PTPRT: variants seen among roughly 807,000 people sequenced by gnomAD.
PTPRT encodes the protein receptor-type tyrosine-protein phosphatase T.
A neutral mutation model predicts 176.8 loss-of-function variants in PTPRT; 56 were observed. The ratio of observed to expected loss-of-function variants is 0.32; its 90% CI spans 0.26 to 0.40. The LOEUF is 0.40. Ranked by LOEUF, PTPRT falls within the 10% of genes least tolerant of loss-of-function variation. The pLI is 1.00. For missense variants in PTPRT, 1,540 were observed against 1,908.2 expected (o/e 0.81, Z 3.60); for synonymous variants, 783 against 739.0 (o/e 1.06, Z -0.96).
chr20:42,082,364 G>A (rs1983417832), intron 29 of PTPRT, among the ~76,000 whole-genome samples: 1 of 152,192 alleles, frequency 6.6e-6, no homozygotes, highest in Non-Finnish European at 1.5e-5. Context: ...AACCCCAAGG[G>A]CAGGATGGTA....
At chr20:42,499,178 AC>A (rs2071705933) in intron 7 of PTPRT, among the ~76,000 whole-genome samples, 2 of 152,096 alleles carry the variant, frequency 1.3e-5, no homozygotes, top group African/African-American at 4.8e-5. Flanking sequence ...ATACTGTACT[AC>A]TGTGGCAATT....
At chr20:42,706,452 G>A (rs754023710) in intron 6 of PTPRT, among the ~76,000 whole-genome samples, 4 of 151,832 alleles carry the variant, frequency 2.6e-5, no homozygotes, top group African/African-American at 4.8e-5. Flanking sequence ...TACTAGGTAC[G>A]TACATTTGAG....
At chr20:42,148,002 A>G (rs1988948379) in intron 17 of PTPRT, among the ~76,000 whole-genome samples, 1 of 152,220 alleles carries the variant, frequency 6.6e-6, no homozygotes, top group African/African-American at 2.4e-5. Context: ...TCCATCTTCA[A>G]AGTGAGCAAG....
intron 13 of PTPRT, among the ~76,000 whole-genome samples, chr20:42,282,110 G>A (rs1452321438): frequency 6.6e-6 from 1 of 152,108 alleles, no homozygotes; most frequent in Non-Finnish European, 1.5e-5. Context: ...ACAGAACTCA[G>A]TAGATGGGTC....
rs140322856 is a variant in PTPRT at position 43,049,063 on chromosome 20, T to C, written c.88+140583A>G. On this transcript the variant is annotated intron_variant, in intron 1 of 30. Coordinates refer to ENST00000373187, the MANE Select transcript of PTPRT (RefSeq NM_007050.6). ...GAAATGAATATTCAGCAGCTGGTTC[T>C]GCTTCAGAGGCTGTTACCCTGTTCT... is the stretch of plus-strand genomic sequence containing the variant. 6.1e-3 allele frequency among the ~76,000 whole-genome samples: 925 copies of C among 152,312 alleles called. 25 individuals carry two copies. The East Asian group carries it at 0.085, about 14-fold the overall frequency.
chr20:43,169,017 A>G lies in PTPRT; in HGVS notation c.88+20629T>C, dbSNP rs145804581. Among the ~76,000 whole-genome samples the G allele has an allele frequency of 7.6e-3, 1,159 of 152,306 alleles. 14 individuals are homozygous for G. Among genetic ancestry groups the G allele is most frequent in the African/African-American group, 0.026 (1,090 of 41,574 alleles). On this transcript the variant is annotated intron_variant, in intron 1 of 30. Transcript: ENST00000373187. Reference sequence around the variant, plus strand: ...TCCACAAACTTCCCTGCCTTCTTCCATTATAGAATGGGGCCAGAGTGCGCA... The same window carrying G: ...TCCACAAACTTCCCTGCCTTCTTCCGTTATAGAATGGGGCCAGAGTGCGCA...
chr20:43,101,310 T>C (rs1381686722), intron 1 of PTPRT, among the ~76,000 whole-genome samples: 2 of 152,252 alleles, frequency 1.3e-5, no homozygotes, highest in East Asian at 3.9e-4. Flanking sequence ...TAGCAAGCTC[T>C]TGATCACTTT....
At chr20:42,604,376 A>G (rs2073835806) in intron 7 of PTPRT, among the ~76,000 whole-genome samples, 1 of 152,212 alleles carries the variant, frequency 6.6e-6, no homozygotes, top group African/African-American at 2.4e-5. Flanking sequence ...TGGTGGGGCC[A>G]TGCGATCCCT....
intron 6 of PTPRT, among the ~76,000 whole-genome samples, chr20:42,730,120 G>A (rs909847616): frequency 3.9e-5 from 6 of 152,178 alleles, no homozygotes; most frequent in African/African-American, 9.6e-5. Context: ...TGTTGACAAA[G>A]AGAAAACCTG....
chr20:43,050,843 G>C (rs1253456560), intron 1 of PTPRT, among the ~76,000 whole-genome samples: 2 of 152,198 alleles, frequency 1.3e-5, no homozygotes, highest in African/African-American at 4.8e-5. Flanking sequence ...ACTGGAAGGA[G>C]CACAGGCCTC....
intron 19 of PTPRT, among the ~76,000 whole-genome samples, chr20:42,120,221 C>T (rs1295794865): frequency 6.6e-6 from 1 of 152,114 alleles, no homozygotes; most frequent in Non-Finnish European, 1.5e-5. Context: ...GAGCCAGTGG[C>T]ACTGGGAGCA....
chr20:43,089,236 C>A (rs563977781), intron 1 of PTPRT, among the ~76,000 whole-genome samples: 164 of 152,324 alleles, frequency 1.1e-3, no homozygotes, highest in African/African-American at 3.9e-3. Flanking sequence ...CTAGTACATG[C>A]TTCACTGAGG....
chr20:42,219,763 C>A (rs2055842826), intron 15 of PTPRT, among the ~76,000 whole-genome samples: 1 of 152,162 alleles, frequency 6.6e-6, no homozygotes, highest in Admixed American at 6.5e-5. Flanking sequence ...GGGCCAAGAT[C>A]CAAACCCGGG....
intron 1 of PTPRT, among the ~76,000 whole-genome samples, chr20:43,188,054 G>A (rs1418517378): frequency 6.6e-6 from 1 of 152,264 alleles, no homozygotes; most frequent in East Asian, 1.9e-4. Flanking sequence ...TCCTGTTTCT[G>A]CCGCGGGAAC....
intron 16 of PTPRT, among the ~76,000 whole-genome samples, chr20:42,169,791 C>CACACACACACACACAA (rs752547377): frequency 4.3e-4 from 42 of 98,412 alleles, no homozygotes; most frequent in African/African-American, 1.3e-3. Context: ...CACACACACA[C>CACACACACACACACAA]AACAGTCAGT....
At chr20:42,392,284 A>G (rs138784087) in intron 9 of PTPRT, among the ~76,000 whole-genome samples, 1 of 152,316 alleles carries the variant, frequency 6.6e-6, no homozygotes, top group African/African-American at 2.4e-5. Flanking sequence ...CTGTAAGTCA[A>G]CTAAGAACCT....
At chr20:43,085,458 G>A (rs114393920) in intron 1 of PTPRT, among the ~76,000 whole-genome samples, 1 of 152,172 alleles carries the variant, frequency 6.6e-6, no homozygotes, top group Non-Finnish European at 1.5e-5. Flanking sequence ...CCAACTATGT[G>A]AAAAGCATTG....
At chr20:43,041,266 T>C (rs1035748492) in intron 1 of PTPRT, among the ~76,000 whole-genome samples, 2 of 152,256 alleles carry the variant, frequency 1.3e-5, no homozygotes, top group Non-Finnish European at 2.9e-5. Context: ...CACTGTGCTA[T>C]AGTACTTTTT....
At chr20:42,284,297 CA>C (rs976075750) in intron 12 of PTPRT, among the ~76,000 whole-genome samples, 3 of 151,930 alleles carry the variant, frequency 2.0e-5, no homozygotes, top group African/African-American at 4.8e-5. Flanking sequence ...CTCCCCCAAC[CA>C]AAAATAAAAG....
Sources: allele counts gnomAD v4.1 joint callset (sites outside exome capture counted in the v4.1 genomes callset), GRCh38; gene constraint gnomAD v4.1.1; transcripts MANE v1.5; gene names NCBI Gene and HGNC (gene_info 2026-07-23, HGNC 2026-07-21).